MEI4: variants seen among roughly 807,000 people sequenced by gnomAD.
MEI4 encodes the protein meiotic double-stranded break formation protein 4, also known as meiosis-specific protein MEI4.
A neutral mutation model predicts 31.4 loss-of-function variants in MEI4; 27 were observed. The ratio of observed to expected loss-of-function variants is 0.86; its 90% CI spans 0.63 to 1.19. MEI4 has a LOEUF of 1.19. Among genes scored for constraint, MEI4 ranks in the 50% most tolerant of loss-of-function variants. The pLI is 0.00. For missense variants in MEI4, 329 were observed against 398.9 expected, an observed-to-expected ratio of 0.82 and a Z score of 1.49; for synonymous variants, 122 against 145.4, an observed-to-expected ratio of 0.84 and a Z score of 1.16.
chr6:77,751,701 G>A (rs771869549), intron 2 of MEI4, among the ~76,000 whole-genome samples: 10 of 152,152 alleles, frequency 6.6e-5, no homozygotes, highest in African/African-American at 2.2e-4. Context: ...AAAGGAGCTG[G>A]TACCATTCCT....
chr6:77,748,465 A>T (rs574957512), intron 2 of MEI4, among the ~76,000 whole-genome samples: 4 of 152,324 alleles, frequency 2.6e-5, no homozygotes, highest in African/African-American at 9.6e-5. Flanking sequence ...CTGGAGCTGG[A>T]GCAGCTGGGA....
At chr6:77,910,376 C>T (rs867565699) in intron 4 of MEI4, among the ~76,000 whole-genome samples, 319 of 152,288 alleles carry the variant, frequency 2.1e-3, no homozygotes, top group African/African-American at 7.0e-3. Context: ...GATTCAAAAT[C>T]AATGTGCAAA....
chr6:77,829,196 A>ACTCACAT, intron 4 of MEI4, 134 bp downstream of exon 4: 2 of 663,514 alleles, frequency 3.0e-6, no homozygotes, highest in Non-Finnish European at 4.3e-6. Flanking sequence ...ATATGTGAGT[A>ACTCACAT]ATATTACTGC....
At chr6:77,852,773 T>C (rs1770658755) in intron 4 of MEI4, among the ~76,000 whole-genome samples, 1 of 152,116 alleles carries the variant, frequency 6.6e-6, no homozygotes, top group Non-Finnish European at 1.5e-5. Flanking sequence ...CTTATGACTC[T>C]AATCTTATCT....
At chr6:77,805,652 C>T (rs1319892899) in intron 3 of MEI4, among the ~76,000 whole-genome samples, 2 of 152,094 alleles carry the variant, frequency 1.3e-5, no homozygotes, top group East Asian at 1.9e-4. Context: ...AAATAAGCTT[C>T]AAACACCTTA....
At chr6:77,693,595 A>G (rs1769200497) in intron 2 of MEI4, among the ~76,000 whole-genome samples, 1 of 151,876 alleles carries the variant, frequency 6.6e-6, no homozygotes, top group African/African-American at 2.4e-5. Flanking sequence ...TTCTGCACAG[A>G]TGTATGGAAG....
intron 4 of MEI4, among the ~76,000 whole-genome samples, chr6:77,845,347 T>C (rs577195441): frequency 3.3e-5 from 5 of 152,300 alleles, no homozygotes; most frequent in Non-Finnish European, 5.9e-5. Flanking sequence ...TCAATAATTT[T>C]ATGTCTATGT....
chr6:77,862,647 G>T (rs1013469072), intron 4 of MEI4, among the ~76,000 whole-genome samples: 1 of 152,192 alleles, frequency 6.6e-6, no homozygotes, highest in Non-Finnish European at 1.5e-5. Flanking sequence ...CCACCTCTGG[G>T]GGCAGGGCAT....
intron 1 of MEI4, among the ~76,000 whole-genome samples, chr6:77,682,996 C>T (rs918043171): frequency 6.6e-6 from 1 of 152,122 alleles, no homozygotes; most frequent in Non-Finnish European, 1.5e-5. Context: ...ATTCTGAAAG[C>T]CCTTTAAAAT....
At chr6:77,694,868 C>T (rs1429663218) in intron 2 of MEI4, among the ~76,000 whole-genome samples, 2 of 151,180 alleles carry the variant, frequency 1.3e-5, no homozygotes, top group Non-Finnish European at 3.0e-5. Flanking sequence ...AACTAGTTTA[C>T]AGTCCCACCA....
rs138917523 is a variant in MEI4 at position 77,675,801 on chromosome 6, A to G, written c.-14-14857A>G. Among the ~76,000 whole-genome samples the G allele has an allele frequency of 7.3e-3, 1,113 of 152,294 alleles. 14 individuals carry two copies. Among genetic ancestry groups the G allele is most frequent in the African/African-American group, 0.024 (1,018 of 41,564 alleles). The stretch of plus-strand genomic sequence containing the variant: ...CCTGTACAGAAAGCTCATGGTAACC[A>G]TAAGTAACTCAAATGGGCCACTACT... On this transcript the variant is annotated intron_variant, in intron 1 of 4. Transcript: ENST00000684080.
chr6:77,835,152 A>G (rs952050282), intron 4 of MEI4, among the ~76,000 whole-genome samples: 6 of 149,920 alleles, frequency 4.0e-5, no homozygotes, highest in African/African-American at 9.7e-5. Flanking sequence ...CTAGGAATCA[A>G]TCAGAAACAA....
At chr6:77,799,069 C>T (rs1048210961) in intron 3 of MEI4, among the ~76,000 whole-genome samples, 1 of 152,194 alleles carries the variant, frequency 6.6e-6, no homozygotes, top group African/African-American at 2.4e-5. Flanking sequence ...AATCACCACA[C>T]TGACTTCCAC....
At chr6:77,856,727 A>G (rs1254687393) in intron 4 of MEI4, among the ~76,000 whole-genome samples, 1 of 152,078 alleles carries the variant, frequency 6.6e-6, no homozygotes, top group African/African-American at 2.4e-5. Flanking sequence ...ATTTTGGCAA[A>G]CAGCTTTGAG....
chr6:77,725,957 C>CGG (rs1260169671), intron 2 of MEI4, among the ~76,000 whole-genome samples: 1 of 105,660 alleles, frequency 9.5e-6, no homozygotes, highest in Non-Finnish European at 1.9e-5. Flanking sequence ...AGACCCTTTA[C>CGG]GGGTGTCAGG....
In MEI4 at chr6:77,686,402, T is replaced by C. The variant is rs1353937203; in HGVS notation, c.-14-4256T>C. Reference sequence around the variant, plus strand: ...CTCTTTTTATCTTTCTCTTTTTCTTTTGTTCCTTCCCTCTCTTTTTCCCTT... The same window carrying C: ...CTCTTTTTATCTTTCTCTTTTTCTTCTGTTCCTTCCCTCTCTTTTTCCCTT... On this transcript the variant is annotated intron_variant, in intron 1 of 4. Transcript: ENST00000684080. Among the ~76,000 whole-genome samples, 5 of 152,228 alleles carry C rather than the reference T, an allele frequency of 3.3e-5. No homozygotes were observed. The East Asian group carries it at 9.7e-4, about 29-fold the overall frequency.
chr6:77,698,700 A>AT (rs1034837069), intron 2 of MEI4, among the ~76,000 whole-genome samples: 14 of 152,020 alleles, frequency 9.2e-5, no homozygotes, highest in Admixed American at 2.0e-4. Context: ...TGCCCTTAAC[A>AT]TTTTTTCCTT....
intron 4 of MEI4, among the ~76,000 whole-genome samples, chr6:77,873,240 T>A (rs1312316915): frequency 6.6e-6 from 1 of 152,222 alleles, no homozygotes; most frequent in East Asian, 1.9e-4. Context: ...GTGTTCCTGT[T>A]TCTCCACATC....
rs1344284123 is a variant in MEI4, at chr6:77,924,434, C to T, written c.*1088C>T. The T allele has an allele frequency of 6.6e-6, 1 of 151,816 alleles. No individual in the cohort carries two copies. Among genetic ancestry groups the T allele is most frequent in the East Asian group, 1.9e-4 (1 of 5,162 alleles). The allele number at this position is 151,816 out of a possible 1,614,324, so 9.4% of individuals were successfully genotyped here. On this transcript the variant is annotated 3_prime_UTR_variant, in exon 5 of 5. Transcript: ENST00000684080. ...TGCCTTTTTGATAATCCTGAAACTACATGTATGTCAGTCAGCTTTTGTTAT... is the reference window on the plus strand; with the variant it reads ...TGCCTTTTTGATAATCCTGAAACTATATGTATGTCAGTCAGCTTTTGTTAT...
Sources: gnomAD v4.1 joint callset for allele counts (sites outside exome capture counted in the v4.1 genomes callset) on GRCh38, gnomAD v4.1.1 for gene constraint, MANE v1.5 for transcripts, NCBI Gene and HGNC (gene_info 2026-07-23, HGNC 2026-07-21) for gene names.